Variants in CEP162 observed in about 807,000 individuals in gnomAD.
CEP162 encodes the protein centrosomal protein of 162 kDa.
A neutral mutation model predicts 169.2 loss-of-function variants in CEP162; 141 were observed. That is an observed-to-expected ratio of 0.83 (90% CI 0.73 to 0.96). CEP162 has a LOEUF of 0.96. Among genes scored for constraint, CEP162 ranks in the 40% least tolerant of loss-of-function variants. The probability of loss-of-function intolerance (pLI) is 0.00; values close to 1 mark genes in which losing one functional copy is unlikely to be tolerated. For synonymous variants in CEP162, 540 were observed against 526.4 expected (o/e 1.03, Z -0.35); for missense variants, 1,600 against 1,587.2 (o/e 1.01, Z -0.14).
chr6:84,154,279 ATTGT>A (rs2099522208), intron 22 of CEP162, among the ~76,000 whole-genome samples: 1 of 152,072 alleles, frequency 6.6e-6, no homozygotes, highest in African/African-American at 2.4e-5. Context: ...ATAATCATTA[ATTGT>A]TTGCTAGACT....
chr6:84,194,669 G>T (rs1457849213), intron 10 of CEP162, among the ~76,000 whole-genome samples: 3 of 151,966 alleles, frequency 2.0e-5, no homozygotes, highest in East Asian at 1.9e-4. Context: ...GCCCAGGATG[G>T]TCTCAATCTC....
At chr6:84,223,402 C>T (rs374392292) in intron 2 of CEP162, among the ~76,000 whole-genome samples, 60 of 150,272 alleles carry the variant, frequency 4.0e-4, no homozygotes, top group Admixed American at 1.4e-3. Flanking sequence ...AGGAGGCTGA[C>T]GCAGGAGAAT....
rs1554181656 is a variant in CEP162 at position 84,197,828 on chromosome 6, A to AC, written c.836-2754_836-2753insG. Among the ~76,000 whole-genome samples, 10 of 144,758 alleles carry AC rather than the reference A, an allele frequency of 6.9e-5. 1 individual carries two copies. The highest frequency in any genetic ancestry group is 1.3e-4 in the Admixed American group (2 of 14,874). 95.0% of individuals were successfully genotyped at this position (144,758 alleles called of 152,430 possible). ...CAAGATTCTGCCTCAAACAAAACAA[A>AC]AAAAAAAAAAAAAAAGAGAGAAAGT... On this transcript the variant is annotated intron_variant, in intron 9 of 26. Transcript: ENST00000403245.
intron 18 of CEP162, among the ~76,000 whole-genome samples, chr6:84,164,200 CAG>C (rs1386345825): frequency 6.6e-6 from 1 of 152,144 alleles, no homozygotes; most frequent in African/African-American, 2.4e-5. Flanking sequence ...CTGGAAACAA[CAG>C]ATGCTGGCAA....
At chr6:84,200,684 C>T in intron 9 of CEP162, 105 bp downstream of exon 9, 1 of 446,748 alleles carries the variant, frequency 2.2e-6, no homozygotes, top group Non-Finnish European at 4.0e-6. Context: ...TTAAAGTTTT[C>T]ATTATCAATA....
intron 22 of CEP162, among the ~76,000 whole-genome samples, chr6:84,154,757 T>G (rs989477272): frequency 6.6e-6 from 1 of 152,288 alleles, no homozygotes; most frequent in East Asian, 1.9e-4. Flanking sequence ...TCTACAAAAT[T>G]TTTTTTAAAG....
chr6:84,129,402 C>T (rs1338594071), intron 25 of CEP162, among the ~76,000 whole-genome samples: 2 of 152,164 alleles, frequency 1.3e-5, no homozygotes, highest in Admixed American at 1.3e-4. Flanking sequence ...GAGATGGTAT[C>T]TCATTGTGGT....
At chr6:84,147,211 T>C (rs889711764) in intron 24 of CEP162, among the ~76,000 whole-genome samples, 3 of 152,096 alleles carry the variant, frequency 2.0e-5, no homozygotes, top group African/African-American at 4.8e-5. Context: ...CTGAAGGTCA[T>C]TATGTTAAGT....
chr6:84,191,612 T>C (rs1331225395), intron 11 of CEP162, among the ~76,000 whole-genome samples: 1 of 152,146 alleles, frequency 6.6e-6, no homozygotes, highest in African/African-American at 2.4e-5. Flanking sequence ...AATTCAACCA[T>C]TGGTACACAA....
chr6:84,149,364 A>G (rs984816879), intron 24 of CEP162, among the ~76,000 whole-genome samples, 198 bp downstream of exon 24: 1 of 151,998 alleles, frequency 6.6e-6, no homozygotes, highest in Non-Finnish European at 1.5e-5. Flanking sequence ...TTAAATATAT[A>G]GTATTATCTT....
At chr6:84,217,804 A>C (rs940779060) in intron 3 of CEP162, 1 of 152,230 alleles carries the variant, frequency 6.6e-6, no homozygotes, top group African/African-American at 2.4e-5. Context: ...CTCACAGTGA[A>C]ACAGCAGCTA....
At position 84,186,560 on chromosome 6, in the gene CEP162, G is replaced by T; in HGVS notation, c.1173C>A (p.Asn391Lys). ...GTGAGTCTTGAGACAAAATATTTGGGTTCATCTTCAGGGGTAAAGAGCTAA... is the reference window on the plus strand; with the variant it reads ...GTGAGTCTTGAGACAAAATATTTGGTTTCATCTTCAGGGGTAAAGAGCTAA... Reference protein sequence around the residue: ...EFFSSLPLKMNPNILSQDSQH... With the variant: ...EFFSSLPLKMKPNILSQDSQH... The change falls in exon 12 of 27, where the codon AAC becomes AAA. Residue 391 changes from asparagine to lysine, a missense_variant. Physicochemically the swap from Asn to Lys is moderately conservative, Grantham distance 94 (BLOSUM62 0). Transcript: ENST00000403245. 1 of 1,612,396 alleles carries T rather than the reference G, an allele frequency of 6.2e-7. No homozygotes were observed.
At position 84,149,644 on chromosome 6, in the gene CEP162, A is replaced by C; in HGVS notation, c.3689T>G (p.Ile1230Arg). 1.2e-6 allele frequency: 2 copies of C among 1,602,640 alleles called. No homozygotes were observed. The highest frequency in any genetic ancestry group is 1.7e-6 in the Non-Finnish European group (2 of 1,173,684). ...TGCATTTTGGCAAAGGAGTTTCTCT[A>C]TTTCTCTCTGATGAGATGCTTTGAG... is the stretch of plus-strand genomic sequence containing the variant. The part of the protein sequence containing the change: ...ASLKASHQRE[I>R]EKLLCQNAVE... The change falls in exon 24 of 27, where the codon ATA (isoleucine) becomes AGA (arginine). Residue 1230 changes from isoleucine (I) to arginine (R), a missense_variant. Coordinates refer to ENST00000403245, the MANE Select transcript of CEP162 (RefSeq NM_014895.4).
At chr6:84,175,412 G>A in intron 13 of CEP162, 65 bp from the exon 14 acceptor site, 2 of 1,150,582 alleles carry the variant, frequency 1.7e-6, no homozygotes, top group South Asian at 1.6e-5. Context: ...CTCATCAATT[G>A]TGTCCAATAA....
Position 84,126,389 on chromosome 6 carries a change from C to A in CEP162, c.3994G>T (p.Glu1332Ter). The change falls in exon 26 of 27, where the codon GAA (glutamate) becomes TAA (stop). Residue 1332 changes from glutamate (E) to a stop codon, truncating the protein, a stop_gained. Transcript: ENST00000403245. LOFTEE classifies it high-confidence loss of function. ...MEMRHAQREQ[E>*]LQQIIQQTHQ... Reference sequence around the variant, plus strand: ...GTGATTTACTTTACCTGTTGAAGTTCCTGTTCTCTTTGTGCATGTCTCATT... The same window carrying A: ...GTGATTTACTTTACCTGTTGAAGTTACTGTTCTCTTTGTGCATGTCTCATT... 1 of 1,591,542 alleles carries A rather than the reference C, an allele frequency of 6.3e-7. No homozygotes were observed. Among genetic ancestry groups the A allele is most frequent in the Non-Finnish European group, 8.5e-7 (1 of 1,170,922 alleles).
intron 6 of CEP162, among the ~76,000 whole-genome samples, chr6:84,212,527 A>AGCATC (rs2099549886): frequency 1.1e-4 from 16 of 151,964 alleles, no homozygotes; most frequent in Non-Finnish European, 7.4e-5. Context: ...TAAGAAAAAA[A>AGCATC]TACAACAAAG....
intron 25 of CEP162, 74 bp downstream of exon 25, chr6:84,146,613 A>G (rs2099518987): frequency 1.5e-6 from 1 of 671,922 alleles, no homozygotes; most frequent in Non-Finnish European, 2.5e-6. Flanking sequence ...TTAGGTAAAA[A>G]ATTTATAAAT....
chr6:84,196,637 G>A (rs1263164216), intron 9 of CEP162, among the ~76,000 whole-genome samples: 1 of 152,064 alleles, frequency 6.6e-6, no homozygotes, highest in Admixed American at 6.6e-5. Context: ...AGAAAAACAG[G>A]TGACTAATCT....
At chr6:84,141,409 T>C (rs2099516577) in intron 25 of CEP162, among the ~76,000 whole-genome samples, 1 of 152,166 alleles carries the variant, frequency 6.6e-6, no homozygotes, top group South Asian at 2.1e-4. Flanking sequence ...AACGTTAACA[T>C]CTACATCTGC....
Sources: allele counts gnomAD v4.1 joint callset (sites outside exome capture counted in the v4.1 genomes callset), GRCh38; gene constraint gnomAD v4.1.1; transcripts MANE v1.5; gene names NCBI Gene and HGNC (gene_info 2026-07-23, HGNC 2026-07-21).